Variants in ACSL1 observed in about 807,000 individuals in gnomAD.
ACSL1 encodes long-chain-fatty-acid--CoA ligase 1.
Under a neutral mutation model 98.4 loss-of-function variants are expected in ACSL1, and 41 were observed. The observed-to-expected ratio is 0.42, with a 90% confidence interval of 0.32 to 0.54. The LOEUF (loss-of-function observed/expected upper bound fraction) is 0.54. Among genes scored for constraint, ACSL1 ranks in the 20% least tolerant of loss-of-function variants. ACSL1 has a pLI of 0.13. For synonymous variants in ACSL1, 316 were observed against 322.7 expected (o/e 0.98, Z 0.22); for missense variants, 734 against 883.1 (o/e 0.83, Z 2.14).
intron 3 of ACSL1, among the ~76,000 whole-genome samples, chr4:184,784,998 G>A (rs186225824): frequency 6.6e-6 from 1 of 152,300 alleles, no homozygotes; most frequent in African/African-American, 2.4e-5. Context: ...ATGAAATGAT[G>A]CGATTTTATT....
chr4:184,804,747 C>T (rs973502032), intron 1 of ACSL1, among the ~76,000 whole-genome samples: 8 of 152,126 alleles, frequency 5.3e-5, no homozygotes, highest in Admixed American at 3.3e-4. Context: ...GCTTTTCTGA[C>T]TGCTAAATGA....
intron 3 of ACSL1, 95 bp downstream of exon 3, chr4:184,788,522 G>A: frequency 9.9e-7 from 1 of 1,010,496 alleles, no homozygotes; most frequent in South Asian, 1.3e-5. Flanking sequence ...TCCTAAGGAG[G>A]CGAAAGATAG....
intron 1 of ACSL1, among the ~76,000 whole-genome samples, chr4:184,814,668 C>T (rs1772457584): frequency 6.6e-6 from 1 of 152,090 alleles, no homozygotes. Flanking sequence ...GATAAAGAAG[C>T]TATAAGTGAG....
chr4:184,788,476 G>A (rs1397045240), intron 3 of ACSL1, 141 bp downstream of exon 3: 1 of 731,144 alleles, frequency 1.4e-6, no homozygotes, highest in Admixed American at 2.0e-5. Flanking sequence ...GACCGACTCT[G>A]GGAAAGTTAC....
At chr4:184,802,716 G>A (rs909485920) in intron 2 of ACSL1, among the ~76,000 whole-genome samples, 2 of 152,304 alleles carry the variant, frequency 1.3e-5, no homozygotes, top group African/African-American at 2.4e-5. Context: ...CCTAACATGA[G>A]AGCACAGCCT....
chr4:184,817,152 C>T (rs1481905485), intron 1 of ACSL1, among the ~76,000 whole-genome samples: 1 of 152,108 alleles, frequency 6.6e-6, no homozygotes, highest in Non-Finnish European at 1.5e-5. Flanking sequence ...ACATGAATCA[C>T]AACCTAGCCA....
In ACSL1 at chr4:184,757,667, C is replaced by G. The variant is rs1561166677; in HGVS notation, c.1924G>C (p.Gly642Arg). ...KAILEDMVRL[G>R]KDSGLKPFEQ... The stretch of plus-strand genomic sequence containing the variant: ...AATGGTTTCAGACCAGAATCCTTCC[C>G]AAGTCTCACCATATCTTCGAGGATA... The change falls in exon 20 of 21, where the codon GGG becomes CGG. Residue 642 changes from glycine (G) to arginine (R), a missense_variant. By Grantham distance (125) the Gly-to-Arg change is moderately radical. Coordinates refer to ENST00000281455, the MANE Select transcript of ACSL1 (RefSeq NM_001995.5). The surrounding 1 kb of genome is among the most constrained non-coding windows in gnomAD (Gnocchi z 4.5). 2 of 1,614,078 alleles carry G rather than the reference C, an allele frequency of 1.2e-6. No homozygotes were observed. The highest frequency in any genetic ancestry group is 1.7e-6 in the Non-Finnish European group (2 of 1,179,994).
intron 1 of ACSL1, among the ~76,000 whole-genome samples, chr4:184,818,579 G>A (rs750885415): frequency 2.6e-5 from 4 of 152,072 alleles, no homozygotes; most frequent in African/African-American, 7.2e-5. Context: ...TCTGACCATC[G>A]GAACCTGCCC....
intron 1 of ACSL1, among the ~76,000 whole-genome samples, chr4:184,822,785 A>G (rs997751528): frequency 3.3e-5 from 5 of 152,140 alleles, no homozygotes; most frequent in Non-Finnish European, 5.9e-5. Flanking sequence ...TGATGTAGAA[A>G]ATGAACATAA....
intron 7 of ACSL1, among the ~76,000 whole-genome samples, chr4:184,774,109 T>C (rs3792312): frequency 0.19 from 28,205 of 152,108 alleles, 3,341 homozygotes; most frequent in East Asian, 0.44. Context: ...TACATAAAAC[T>C]ACATAAACGG....
chr4:184,804,713 G>A (rs746068726), intron 1 of ACSL1, among the ~76,000 whole-genome samples: 18 of 152,074 alleles, frequency 1.2e-4, no homozygotes, highest in Admixed American at 7.2e-4. Flanking sequence ...AAATGGAGAC[G>A]GAAATAGCAC....
At chr4:184,805,597 G>T in intron 1 of ACSL1, 1 of 872,412 alleles carries the variant, frequency 1.1e-6, no homozygotes, top group Non-Finnish European at 1.4e-6. Context: ...AATGAGCCTG[G>T]AAGTGGGCGG....
chr4:184,808,216 C>A, intron 1 of ACSL1: 1 of 757,792 alleles, frequency 1.3e-6, no homozygotes, highest in Non-Finnish European at 1.6e-6. Context: ...ACATCATTCT[C>A]TTGAAGATAC....
At position 184,805,070 on chromosome 4, in the gene ACSL1, CAA is replaced by C. The variant is rs1405938739; in HGVS notation, c.-32-1526_-32-1525del. Among the ~76,000 whole-genome samples, 4 of 152,016 alleles carry C rather than the reference CAA, an allele frequency of 2.6e-5. No individual in the cohort carries two copies. The East Asian group carries it at 7.7e-4, about 29-fold the overall frequency. On this transcript the variant is annotated intron_variant, in intron 1 of 20. Transcript: ENST00000281455. ...CCAAACAAATTTACAAGAAAAAAAACAAAAATTTACAAGAAAAACAACAAACA... is the reference window on the plus strand; with the variant it reads ...CCAAACAAATTTACAAGAAAAAAAACAAATTTACAAGAAAAACAACAAACA...
Position 184,773,606 on chromosome 4 carries a change from G to A in ACSL1, c.841+57C>T. The stretch of plus-strand genomic sequence containing the variant: ...CTGATAAGTCATCCAAAAGAGGTAG[G>A]GGAGAGTCCAGACCAATGGCTGCCA... On this transcript the variant is annotated intron_variant, in intron 9 of 20. Transcript: ENST00000281455. The surrounding 1 kb of genome is among the most constrained non-coding windows in gnomAD (Gnocchi z 4.3). 2.0e-6 allele frequency: 3 copies of A among 1,511,676 alleles called. No individual in the cohort carries two copies. The highest frequency in any genetic ancestry group is 1.8e-6 in the Non-Finnish European group (2 of 1,112,118). The allele number at this position is 1,511,676 out of a possible 1,614,324, so 93.6% of individuals were successfully genotyped here. A position where few individuals can be genotyped will look rare whatever the true frequency, so the allele number is the denominator to read the frequency against.
chr4:184,821,240 A>G (rs889536920), intron 1 of ACSL1: 1 of 370,728 alleles, frequency 2.7e-6, no homozygotes, highest in African/African-American at 2.1e-5. Context: ...TGGACCCTGA[A>G]GGAGAAACTA....
chr4:184,773,428 G>T lies in ACSL1; in HGVS notation c.841+235C>A, dbSNP rs1764801927. On this transcript the variant is annotated intron_variant, in intron 9 of 20. Coordinates refer to ENST00000281455, the MANE Select transcript of ACSL1 (RefSeq NM_001995.5). The surrounding 1 kb of genome is among the most constrained non-coding windows in gnomAD (Gnocchi z 4.3). The stretch of plus-strand genomic sequence containing the variant: ...TTCCTGGGAGCCACCGATATAGTCT[G>T]TCCTAGGAAGACAGGTGAATCTAAT... 1.3e-5 allele frequency among the ~76,000 whole-genome samples: 2 copies of T among 152,176 alleles called. No homozygotes were observed. Among genetic ancestry groups the T allele is most frequent in the Admixed American group, 6.5e-5 (1 of 15,284 alleles).
At chr4:184,760,129 T>A (rs1267024653) in intron 18 of ACSL1, among the ~76,000 whole-genome samples, 3 of 152,158 alleles carry the variant, frequency 2.0e-5, no homozygotes, top group Non-Finnish European at 4.4e-5. Context: ...CCTTGGTACA[T>A]CAGACCTCTC....
At position 184,788,470 on chromosome 4, in the gene ACSL1, G is replaced by A. The variant is rs112701798; in HGVS notation, c.310+147C>T. ...AGAGGGTCCAGTGAGCTTTGGGACC[G>A]ACTCTGGGAAAGTTACAGTGGACAC... On this transcript the variant is annotated intron_variant, in intron 3 of 20. Transcript: ENST00000281455. 275 of 717,832 alleles carry A rather than the reference G, an allele frequency of 3.8e-4. 3 individuals are homozygous for A. The highest frequency in any genetic ancestry group is 3.6e-3 in the African/African-American group (209 of 57,582). 44.5% of individuals were successfully genotyped at this position (717,832 alleles called of 1,614,324 possible).
Sources: allele counts gnomAD v4.1 joint callset (sites outside exome capture counted in the v4.1 genomes callset), GRCh38; gene constraint gnomAD v4.1.1; non-coding constraint Gnocchi (gnomAD v3.1); transcripts MANE v1.5; gene names NCBI Gene and HGNC (gene_info 2026-07-23, HGNC 2026-07-21).